The following WASHC2A variants were observed in gnomAD, a reference collection of about 807,000 sequenced individuals.
WASHC2A encodes the protein WASH complex subunit 2A.
WASHC2A carries 82 observed loss-of-function variants against 140.3 expected under a neutral mutation model. That is an observed-to-expected ratio of 0.58 (90% CI 0.49 to 0.70). The LOEUF is 0.70. WASHC2A is among the 30% of genes least tolerant of loss of function. The probability of loss-of-function intolerance (pLI) is 0.00; values close to 1 mark genes in which losing one functional copy is unlikely to be tolerated. For missense variants in WASHC2A, 985 were observed against 1,521.8 expected (o/e 0.65, Z 5.87); for synonymous variants, 340 against 560.8 (o/e 0.61, Z 5.56).
At position 50,083,032 on chromosome 10, in the gene WASHC2A, C is replaced by T. The variant is rs1366938928; in HGVS notation, c.529-1040C>T. Reference sequence around the variant, plus strand: ...ATTTATTTTGAGTCAGAGTTTCGCTCTTGTTGCCCAGGCTGGAGTGGAGTG... The same window carrying T: ...ATTTATTTTGAGTCAGAGTTTCGCTTTTGTTGCCCAGGCTGGAGTGGAGTG... On this transcript the variant is annotated intron_variant, in intron 5 of 30. Transcript: ENST00000282633. Among the ~76,000 whole-genome samples the T allele has an allele frequency of 1.4e-4, 16 of 116,324 alleles. 1 individual carries two copies. Among genetic ancestry groups the T allele is most frequent in the African/African-American group, 5.8e-4 (16 of 27,720 alleles). 76.3% of individuals were successfully genotyped at this position (116,324 alleles called of 152,430 possible).
rs1204301463 is a variant in WASHC2A at position 50,092,880 on chromosome 10, G to C, written c.1004-388G>C. ...GCAAACAGCCATGTCCATTACATTA[G>C]ACTTGTCCCTGTGTCAGTTTGCAGA... On this transcript the variant is annotated intron_variant, in intron 11 of 30. Transcript: ENST00000282633. Among the ~76,000 whole-genome samples, 4 of 151,970 alleles carry C rather than the reference G, an allele frequency of 2.6e-5. No homozygotes were observed. The South Asian group carries it at 8.3e-4, about 32-fold the overall frequency.
At chr10:50,087,799 T>A (rs2132507909) in intron 8 of WASHC2A, among the ~76,000 whole-genome samples, 1 of 152,338 alleles carries the variant, frequency 6.6e-6, no homozygotes, top group South Asian at 2.1e-4. Context: ...TAACATTTTA[T>A]AAATGTATCC....
At position 50,104,071 on chromosome 10, in the gene WASHC2A, G is replaced by T. The variant is rs201489423; in HGVS notation, c.1665G>T (p.Lys555Asn). 1 of 1,486,996 alleles carries T rather than the reference G, an allele frequency of 6.7e-7. No individual in the cohort carries two copies. The highest frequency in any genetic ancestry group is 2.2e-5 in the East Asian group (1 of 44,838). The allele number at this position is 1,486,996 out of a possible 1,614,324, so 92.1% of individuals were successfully genotyped here. A position where few individuals can be genotyped will look rare whatever the true frequency, so the allele number is the denominator to read the frequency against. The change falls in exon 18 of 31, where the codon AAG (lysine) becomes AAT (asparagine). Residue 555 changes from lysine to asparagine, a missense_variant. Coordinates refer to ENST00000282633, the MANE Select transcript of WASHC2A (RefSeq NM_001005751.3). ...EDLFSSQSAS[K>N]LKGASLLPGK... ...TGTTTTCTTCTCAAAGTGCGAGTAA[G>T]TTAAAAGGTGCGTCTCTGCTGCCTG...
intron 20 of WASHC2A, 80 bp downstream of exon 20, chr10:50,110,350 T>G: frequency 6.3e-7 from 1 of 1,595,766 alleles, no homozygotes; most frequent in Non-Finnish European, 8.6e-7. Context: ...ATCTAGTTCA[T>G]CGGGTGATTG....
At chr10:50,105,531 T>C (rs1276594207) in intron 18 of WASHC2A, among the ~76,000 whole-genome samples, 1 of 110,336 alleles carries the variant, frequency 9.1e-6, no homozygotes, top group African/African-American at 3.4e-5. Context: ...CTCATTATTC[T>C]CCTGGCCTGT....
chr10:50,129,235 A>G (rs1843712988), intron 28 of WASHC2A, among the ~76,000 whole-genome samples, 184 bp from the exon 29 acceptor site: 1 of 152,196 alleles, frequency 6.6e-6, no homozygotes, highest in African/African-American at 2.4e-5. Flanking sequence ...TTGGAGTACT[A>G]GGAGCTATTA....
At chr10:50,104,207 T>C (rs1554887799) in intron 18 of WASHC2A, 64 bp downstream of exon 18, 7 of 1,560,804 alleles carry the variant, frequency 4.5e-6, no homozygotes, top group African/African-American at 1.4e-5. Context: ...TGATGCAACT[T>C]TCTACCCAGA....
chr10:50,071,590 C>G (rs1342147651), intron 3 of WASHC2A, among the ~76,000 whole-genome samples: 1 of 151,642 alleles, frequency 6.6e-6, no homozygotes, highest in East Asian at 1.9e-4. Context: ...CAGGCCTGAG[C>G]CACGGCGCCC....
At chr10:50,112,654 A>G (rs1433040697) in intron 20 of WASHC2A, among the ~76,000 whole-genome samples, 1 of 149,134 alleles carries the variant, frequency 6.7e-6, no homozygotes, top group Non-Finnish European at 1.5e-5. Flanking sequence ...AACAACCCAA[A>G]TGTCCATCAA....
intron 19 of WASHC2A, among the ~76,000 whole-genome samples, chr10:50,107,782 GT>G (rs1374371762): frequency 8.8e-5 from 12 of 135,780 alleles, no homozygotes; most frequent in Non-Finnish European, 1.9e-4. Context: ...AAATTAGCAG[GT>G]TGTGGTGGCG....
intron 20 of WASHC2A, among the ~76,000 whole-genome samples, chr10:50,113,231 T>A (rs1488090918): frequency 1.3e-5 from 2 of 151,934 alleles, no homozygotes; most frequent in East Asian, 1.9e-4. Context: ...TAGCCAGGCA[T>A]GGTGACGTGT....
chr10:50,076,565 C>T (rs1369088083), intron 3 of WASHC2A, among the ~76,000 whole-genome samples: 1 of 152,150 alleles, frequency 6.6e-6, no homozygotes, highest in African/African-American at 2.4e-5. Flanking sequence ...CTTGAGTATG[C>T]TGCTAGTGAC....
intron 17 of WASHC2A, among the ~76,000 whole-genome samples, chr10:50,100,846 C>G: frequency 6.6e-6 from 1 of 152,302 alleles, no homozygotes. Context: ...CTTAGAACCA[C>G]CTCTCAGAAT....
chr10:50,133,055 C>T lies in WASHC2A; in HGVS notation c.*110C>T. The T allele has an allele frequency of 1.3e-6, 2 of 1,592,476 alleles. No individual in the cohort carries two copies. Among genetic ancestry groups the T allele is most frequent in the Non-Finnish European group, 1.7e-6 (2 of 1,169,192 alleles). ...TTACAAAAAGCAAATACTAGAACAG[C>T]TAGCTCATCGTTCACCCAATGTACT... On this transcript the variant is annotated 3_prime_UTR_variant, in exon 31 of 31. Coordinates refer to ENST00000282633, the MANE Select transcript of WASHC2A (RefSeq NM_001005751.3).
rs782357211 is a variant in WASHC2A at position 50,087,335 on chromosome 10, T to C, written c.732+13T>C. 4.3e-5 allele frequency: 69 copies of C among 1,613,868 alleles called. No homozygotes were observed. The African/African-American group carries it at 8.9e-4, about 21-fold the overall frequency. On this transcript the variant is annotated intron_variant, in intron 8 of 30. Coordinates refer to ENST00000282633, the MANE Select transcript of WASHC2A (RefSeq NM_001005751.3). Reference sequence around the variant, plus strand: ...TGAACAAAACCGGGTAAGGCTCATATATTGAAATGACTTTGTTTTTACATT... The same window carrying C: ...TGAACAAAACCGGGTAAGGCTCATACATTGAAATGACTTTGTTTTTACATT...
Position 50,067,980 on chromosome 10 carries a change from G to A in WASHC2A, c.-26G>A, listed in dbSNP as rs1554874458. Reference sequence around the variant, plus strand: ...GTCCTCGGCGTGTGCTGGCAGCTTCGGAGCCCACCGAGCCGGGCGGCTAGG... The same window carrying A: ...GTCCTCGGCGTGTGCTGGCAGCTTCAGAGCCCACCGAGCCGGGCGGCTAGG... On this transcript the variant is annotated 5_prime_UTR_variant, in exon 1 of 31. Coordinates refer to ENST00000282633, the MANE Select transcript of WASHC2A (RefSeq NM_001005751.3). The A allele has an allele frequency of 8.7e-6, 14 of 1,602,980 alleles. No individual in the cohort carries two copies. The highest frequency in any genetic ancestry group is 1.3e-5 in the African/African-American group (1 of 74,884).
At chr10:50,102,516 G>A (rs1841298725) in intron 17 of WASHC2A, among the ~76,000 whole-genome samples, 1 of 152,102 alleles carries the variant, frequency 6.6e-6, no homozygotes, top group African/African-American at 2.4e-5. Flanking sequence ...GAGGGACACG[G>A]GATGCCTGGA....
intron 29 of WASHC2A, 40 bp downstream of exon 29, chr10:50,130,079 A>G: frequency 6.2e-7 from 1 of 1,611,026 alleles, no homozygotes; most frequent in Non-Finnish European, 8.5e-7. Flanking sequence ...GTTCTAAGTT[A>G]AGGAAGGTAT....
Position 50,087,276 on chromosome 10 carries a change from A to G in WASHC2A, c.686A>G (p.Glu229Gly), listed in dbSNP as rs1438530675. 32 of 1,613,828 alleles carry G rather than the reference A, an allele frequency of 2.0e-5. No homozygotes were observed. The highest frequency in any genetic ancestry group is 2.5e-5 in the Non-Finnish European group (30 of 1,179,860). Residue 229 changes from glutamate to glycine, a missense_variant and splice_region_variant, in exon 8 of 31, where the codon GAG becomes GGG. Transcript: ENST00000282633. ...VDTEEEKEEEESDEDFAHHSD... is the reference protein window; with the variant it reads ...VDTEEEKEEEGSDEDFAHHSD... ...CAAAGCCTTTTCTTCCCCACAAAGG[A>G]GTCAGATGAAGATTTTGCCCATCAT...
Sources: allele counts gnomAD v4.1 joint callset (sites outside exome capture counted in the v4.1 genomes callset), GRCh38; gene constraint gnomAD v4.1.1; transcripts MANE v1.5; gene names NCBI Gene and HGNC (gene_info 2026-07-23, HGNC 2026-07-21).